The following GRK5 variants were observed in gnomAD, a reference collection of about 807,000 sequenced individuals.
GRK5 encodes the protein G protein-coupled receptor kinase 5, also known as g protein-coupled receptor kinase GRK5.
In GRK5, 40 loss-of-function variants were observed where a neutral mutation model predicts 78.4. That is an observed-to-expected ratio of 0.51 (90% CI 0.40 to 0.66). The LOEUF (loss-of-function observed/expected upper bound fraction) is 0.66, where lower values mean the gene tolerates loss of function less well. GRK5 is among the 30% of genes least tolerant of loss of function. The pLI is 0.00. For missense variants in GRK5, 598 were observed against 759.9 expected (o/e 0.79, Z 2.50); for synonymous variants, 289 against 296.8 (o/e 0.97, Z 0.27).
chr10:119,314,781 C>A (rs906347125), intron 1 of GRK5, among the ~76,000 whole-genome samples: 3 of 152,230 alleles, frequency 2.0e-5, no homozygotes, highest in Non-Finnish European at 4.4e-5. Flanking sequence ...CTTGACCTCG[C>A]AGCTCCAGCA....
chr10:119,383,175 C>T (rs1476737754), intron 3 of GRK5, among the ~76,000 whole-genome samples: 2 of 152,208 alleles, frequency 1.3e-5, no homozygotes, highest in Non-Finnish European at 1.5e-5. Flanking sequence ...CCCACCTCGG[C>T]CTCCCAAAGT....
chr10:119,425,294 C>CACAA (rs1554920957), intron 6 of GRK5, among the ~76,000 whole-genome samples: 4,182 of 150,948 alleles, frequency 0.028, 64 homozygotes, highest in Admixed American at 0.042. Flanking sequence ...CACACACACA[C>CACAA]ACAAACACAC....
At chr10:119,369,355 C>T (rs991348460) in intron 2 of GRK5, among the ~76,000 whole-genome samples, 1 of 152,162 alleles carries the variant, frequency 6.6e-6, no homozygotes, top group African/African-American at 2.4e-5. Context: ...AAACAGTGGT[C>T]ATCACTGACC....
intron 2 of GRK5, among the ~76,000 whole-genome samples, chr10:119,380,481 T>A (rs941604494): frequency 1.3e-5 from 2 of 152,152 alleles, no homozygotes; most frequent in Non-Finnish European, 2.9e-5. Flanking sequence ...GCCACCCTTA[T>A]CCAGTCACTG....
At chr10:119,247,262 A>C (rs903416896) in intron 1 of GRK5, among the ~76,000 whole-genome samples, 1 of 152,240 alleles carries the variant, frequency 6.6e-6, no homozygotes, top group Non-Finnish European at 1.5e-5. Flanking sequence ...GTGCTCTTTC[A>C]TGTAAAACAA....
chr10:119,401,259 C>T (rs1036540928), intron 4 of GRK5, among the ~76,000 whole-genome samples: 4 of 152,190 alleles, frequency 2.6e-5, no homozygotes, highest in Non-Finnish European at 4.4e-5. Flanking sequence ...CCTTGAGCTC[C>T]GTTCTCCCTC....
intron 1 of GRK5, among the ~76,000 whole-genome samples, chr10:119,288,362 C>T (rs962160331): frequency 6.6e-6 from 1 of 152,188 alleles, no homozygotes; most frequent in Non-Finnish European, 1.5e-5. Context: ...CAGCCAGGAC[C>T]TTGTCTGTCT....
intron 1 of GRK5, among the ~76,000 whole-genome samples, chr10:119,228,082 T>A (rs1399038014): frequency 6.6e-6 from 1 of 152,112 alleles, no homozygotes; most frequent in Non-Finnish European, 1.5e-5. Context: ...ATATAATAAA[T>A]CCTGGCATAT....
chr10:119,403,833 C>A (rs1209968081), intron 4 of GRK5, among the ~76,000 whole-genome samples: 3 of 152,106 alleles, frequency 2.0e-5, no homozygotes, highest in Non-Finnish European at 4.4e-5. Flanking sequence ...GGGGTTTTCG[C>A]CACTTTGGCC....
At chr10:119,403,463 C>T (rs571006891) in intron 4 of GRK5, among the ~76,000 whole-genome samples, 6 of 152,302 alleles carry the variant, frequency 3.9e-5, no homozygotes, top group South Asian at 2.1e-4. Context: ...CCGCACCAGC[C>T]GACTGGTTTC....
chr10:119,246,550 G>GAGGA (rs1312784500), intron 1 of GRK5, among the ~76,000 whole-genome samples: 2 of 152,184 alleles, frequency 1.3e-5, no homozygotes, highest in Non-Finnish European at 2.9e-5. Context: ...CATCACAAAA[G>GAGGA]AGGAATTAAG....
chr10:119,310,397 G>C (rs1420969926), intron 1 of GRK5, among the ~76,000 whole-genome samples: 1 of 152,168 alleles, frequency 6.6e-6, no homozygotes, highest in Non-Finnish European at 1.5e-5. Context: ...AAAACATTAT[G>C]AGGCAAAAGT....
Position 119,457,007 on chromosome 10 carries a change from G to C in GRK5, c.*1940G>C, listed in dbSNP as rs2133925828. On this transcript the variant is annotated 3_prime_UTR_variant, in exon 16 of 16. Coordinates refer to ENST00000392870, the MANE Select transcript of GRK5 (RefSeq NM_005308.3). ...TAATGTGCAGTATTTTTTTGTTCAAGACCAGCTCTTGTTTTATGAGGCTCC... is the reference window on the plus strand; with the variant it reads ...TAATGTGCAGTATTTTTTTGTTCAACACCAGCTCTTGTTTTATGAGGCTCC... 6.6e-6 allele frequency: 1 copy of C among 152,276 alleles called. No homozygotes were observed. Among genetic ancestry groups the C allele is most frequent in the Middle Eastern group, 3.4e-3 (1 of 294 alleles). 9.4% of individuals were successfully genotyped at this position (152,276 alleles called of 1,614,324 possible).
Position 119,459,511 on chromosome 10 carries a change from T to G in GRK5, c.*4444T>G, listed in dbSNP as rs925587428. ...TAGAAGAGTTTAGTGGCTTTTGGTG[T>G]TGTTAAAATAATAAGAATCCTTCTA... On this transcript the variant is annotated 3_prime_UTR_variant, in exon 16 of 16. Coordinates refer to ENST00000392870, the MANE Select transcript of GRK5 (RefSeq NM_005308.3). The G allele has an allele frequency of 2.6e-5, 4 of 152,212 alleles. No homozygotes were observed. Among genetic ancestry groups the G allele is most frequent in the Admixed American group, 1.3e-4 (2 of 15,270 alleles). 9.4% of individuals were successfully genotyped at this position (152,212 alleles called of 1,614,324 possible). A position where few individuals can be genotyped will look rare whatever the true frequency, so the allele number is the denominator to read the frequency against.
In GRK5 at chr10:119,378,828, G is replaced by A. The variant is rs1851667679; in HGVS notation, c.149-1987G>A. ...CCTGGGAGGACTCCGGGGCCCCCAC[G>A]GATCACAGGCCCTGACCTGATTGGC... On this transcript the variant is annotated intron_variant, in intron 2 of 15. Transcript: ENST00000392870. The surrounding 1 kb of genome is among the most constrained non-coding windows in gnomAD (Gnocchi z 4.5). 6.6e-6 allele frequency among the ~76,000 whole-genome samples: 1 copy of A among 152,246 alleles called. No homozygotes were observed. The highest frequency in any genetic ancestry group is 1.5e-5 in the Non-Finnish European group (1 of 68,048).
intron 1 of GRK5, among the ~76,000 whole-genome samples, chr10:119,256,599 AT>A (rs1386363284): frequency 6.8e-6 from 1 of 146,626 alleles, no homozygotes; most frequent in Non-Finnish European, 1.5e-5. Context: ...CCTCACCTCT[AT>A]CGCACCCCAC....
At chr10:119,416,317 C>T (rs962584929) in intron 4 of GRK5, among the ~76,000 whole-genome samples, 2 of 152,246 alleles carry the variant, frequency 1.3e-5, no homozygotes, top group African/African-American at 4.8e-5. Flanking sequence ...GCCGCCTTGG[C>T]GACGCCATCC....
At chr10:119,279,034 T>C (rs933431939) in intron 1 of GRK5, among the ~76,000 whole-genome samples, 1 of 152,026 alleles carries the variant, frequency 6.6e-6, no homozygotes, top group Non-Finnish European at 1.5e-5. Flanking sequence ...TGTGCCACCA[T>C]GCCAAGCTAA....
In GRK5 at chr10:119,311,914, A is replaced by ACTTTTTTTTTTTTTTTTTTTTT. The variant is rs34048341; in HGVS notation, c.53-14602_53-14601insCTTTTTTTTTTTTTTTTTTTTT. Among the ~76,000 whole-genome samples, 4 of 137,814 alleles carry ACTTTTTTTTTTTTTTTTTTTTT rather than the reference A, an allele frequency of 2.9e-5. 2 individuals carry two copies. The allele number at this position is 137,814 out of a possible 152,430, so 90.4% of individuals were successfully genotyped here. A position where few individuals can be genotyped will look rare whatever the true frequency, so the allele number is the denominator to read the frequency against. ...TGTACTGAATGCTACTGAATTGTTC[A>ACTTTTTTTTTTTTTTTTTTTTT]TTTTTTTTTTTTTTTTTTTGAGACG... On this transcript the variant is annotated intron_variant, in intron 1 of 15. Transcript: ENST00000392870.
Sources: allele counts gnomAD v4.1 joint callset (sites outside exome capture counted in the v4.1 genomes callset), GRCh38; gene constraint gnomAD v4.1.1; non-coding constraint Gnocchi (gnomAD v3.1); transcripts MANE v1.5; gene names NCBI Gene and HGNC (gene_info 2026-07-23, HGNC 2026-07-21).